Variants in ZNF318 observed in about 807,000 individuals in gnomAD.
The protein encoded by ZNF318 is zinc finger protein 318, also known as endocrine regulator.
In ZNF318, 51 loss-of-function variants were observed where a neutral mutation model predicts 124.2. The observed-to-expected ratio is 0.41, with a 90% CI of 0.33 to 0.52. The LOEUF is 0.52. Among genes scored for constraint, ZNF318 ranks in the 20% least tolerant of loss-of-function variants. ZNF318 has a pLI of 0.23. For synonymous variants in ZNF318, 1,090 were observed against 1,040.7 expected (o/e 1.05, Z -0.91); for missense variants, 2,815 against 2,811.2 (o/e 1.00, Z -0.03).
At chr6:43,350,704 T>G (rs1581644162) in intron 5 of ZNF318, among the ~76,000 whole-genome samples, 1 of 151,404 alleles carries the variant, frequency 6.6e-6, no homozygotes, top group African/African-American at 2.4e-5. Context: ...ATGCCTATGG[T>G]CTCAGCTACT....
At chr6:43,347,714 T>C (rs949082684) in intron 6 of ZNF318, among the ~76,000 whole-genome samples, 3 of 152,110 alleles carry the variant, frequency 2.0e-5, no homozygotes, top group Admixed American at 2.0e-4. Flanking sequence ...AAACTGGCAA[T>C]TGTCACATGG....
At chr6:43,368,478 C>G (rs1316543763) in intron 1 of ZNF318, among the ~76,000 whole-genome samples, 1 of 152,032 alleles carries the variant, frequency 6.6e-6, no homozygotes. Context: ...AGCTCCAATT[C>G]ATTTAAGCTA....
chr6:43,361,049 G>A (rs893543052), intron 2 of ZNF318, among the ~76,000 whole-genome samples: 4 of 152,152 alleles, frequency 2.6e-5, no homozygotes, highest in African/African-American at 9.7e-5. Flanking sequence ...TCACTGAACT[G>A]TACACTTCAA....
Position 43,340,520 on chromosome 6 carries a change from A to G in ZNF318, c.3496-18T>C, listed in dbSNP as rs376533068. ...ACATATTTCTGGGAAGAAAAAAGAT[A>G]AAGACTCAAAAACTGGTGAAAATAC... On this transcript the variant is annotated intron_variant, in intron 9 of 9. Transcript: ENST00000361428. 1.3e-6 allele frequency: 2 copies of G among 1,564,030 alleles called. No homozygotes were observed. The highest frequency in any genetic ancestry group is 1.7e-6 in the Non-Finnish European group (2 of 1,161,594).
chr6:43,365,266 T>C (rs780943780), intron 2 of ZNF318, 26 bp downstream of exon 2: 4 of 1,608,120 alleles, frequency 2.5e-6, no homozygotes, highest in East Asian at 2.2e-5. Flanking sequence ...ACTAGTATAG[T>C]AGGCCCTGCC....
chr6:43,352,486 A>T lies in ZNF318; in HGVS notation c.2671-10T>A. ...CCCTCTCTTCAATAACCTGCAAAAT[A>T]CAAAGTGGTAAGAGAGTCCATCTCC... On this transcript the variant is annotated splice_polypyrimidine_tract_variant and intron_variant, in intron 4 of 9. Transcript: ENST00000361428. 1 of 1,611,740 alleles carries T rather than the reference A, an allele frequency of 6.2e-7. No individual in the cohort carries two copies.
chr6:43,337,928 A>G lies in ZNF318; in HGVS notation c.6070T>C (p.Phe2024Leu), dbSNP rs1312589649. Residue 2024 changes from phenylalanine (F) to leucine (L), a missense_variant, in exon 10 of 10, where the codon TTC (phenylalanine) becomes CTC (leucine). Phe to Leu is a conservative substitution (Grantham distance 22). Transcript: ENST00000361428. Reference sequence around the variant, plus strand: ...GCTGGGCTTACCCGAGTAGTGCAGAAATCAACAGGCATATCCCCCAGATTC... The same window carrying G: ...GCTGGGCTTACCCGAGTAGTGCAGAGATCAACAGGCATATCCCCCAGATTC... ...LGNLGDMPVD[F>L]CTTRVSPAHR... 1 of 1,614,198 alleles carries G rather than the reference A, an allele frequency of 6.2e-7. No homozygotes were observed. Among genetic ancestry groups the G allele is most frequent in the Non-Finnish European group, 8.5e-7 (1 of 1,180,032 alleles).
chr6:43,365,264 A>G, intron 2 of ZNF318, 28 bp downstream of exon 2: 1 of 1,607,204 alleles, frequency 6.2e-7, no homozygotes, highest in Non-Finnish European at 8.5e-7. Context: ...GTACTAGTAT[A>G]GTAGGCCCTG....
Position 43,338,497 on chromosome 6 carries a change from T to A in ZNF318, c.5501A>T (p.Glu1834Val), listed in dbSNP as rs1484778737. The A allele has an allele frequency of 1.9e-6, 3 of 1,614,142 alleles. No homozygotes were observed. Among genetic ancestry groups the A allele is most frequent in the Non-Finnish European group, 2.5e-6 (3 of 1,180,058 alleles). Residue 1834 changes from glutamate (E) to valine (V), a missense_variant, in exon 10 of 10, where the codon GAG (glutamate) becomes GTG (valine). Glu to Val is a moderately radical substitution (Grantham distance 121). Around this residue, in one of 4 missense-constraint regions of ZNF318, gnomAD observed 927 missense variants for 820.6 expected, o/e 1.13. Transcript: ENST00000361428. ...KQPNLLMIDK[E>V]AEQSNKLMTG... ...CATCAATTTATTGGACTGTTCAGCCTCTTTGTCAATCATTAGCAAGTTGGG... is the reference window on the plus strand; with the variant it reads ...CATCAATTTATTGGACTGTTCAGCCACTTTGTCAATCATTAGCAAGTTGGG...
Position 43,338,263 on chromosome 6 carries a change from C to G in ZNF318, c.5735G>C (p.Gly1912Ala). 6.2e-7 allele frequency: 1 copy of G among 1,614,148 alleles called. No individual in the cohort carries two copies. The highest frequency in any genetic ancestry group is 8.5e-7 in the Non-Finnish European group (1 of 1,180,036). The change falls in exon 10 of 10, where the codon GGA (glycine) becomes GCA (alanine). Residue 1912 changes from glycine (G) to alanine (A), a missense_variant. Physicochemically the swap from Gly to Ala is moderately conservative, Grantham distance 60. Around this residue, in one of 4 missense-constraint regions of ZNF318, gnomAD observed 927 missense variants for 820.6 expected, o/e 1.13. Coordinates refer to ENST00000361428, the MANE Select transcript of ZNF318 (RefSeq NM_014345.3). Reference sequence around the variant, plus strand: ...CCCCTCCTCACTAACAACTGAAACTCCTTGCTCTTGTGGACTACCTGTTAA... The same window carrying G: ...CCCCTCCTCACTAACAACTGAAACTGCTTGCTCTTGTGGACTACCTGTTAA... The part of the protein sequence containing the change: ...MCLTGSPQEQ[G>A]VSVVSEEGLE...
chr6:43,338,621 C>T lies in ZNF318; in HGVS notation c.5377G>A (p.Val1793Ile). The change falls in exon 10 of 10, where the codon GTT becomes ATT. Residue 1793 changes from valine (V) to isoleucine (I), a missense_variant. Physicochemically the swap from Val to Ile is conservative, Grantham distance 29 (BLOSUM62 3). This residue lies in a region of ZNF318 where 927 missense variants were observed against 820.6 expected (regional missense o/e 1.13). Transcript: ENST00000361428. ...ATGCTGGTACTTACTCCCTCATCAACTATCCCCTCAGACAGCTCCTTTACC... is the reference window on the plus strand; with the variant it reads ...ATGCTGGTACTTACTCCCTCATCAATTATCCCCTCAGACAGCTCCTTTACC... ...ERVKELSEGI[V>I]DEGVSTSIGP... The T allele has an allele frequency of 6.2e-7, 1 of 1,614,156 alleles. No homozygotes were observed. Among genetic ancestry groups the T allele is most frequent in the Non-Finnish European group, 8.5e-7 (1 of 1,180,018 alleles).
In ZNF318 at chr6:43,342,852, G is replaced by A. The variant is rs147313268; in HGVS notation, c.3100C>T (p.Arg1034Cys). Residue 1034 changes from arginine (R) to cysteine (C), a missense_variant, in exon 7 of 10, where the codon CGT becomes TGT. This residue lies in a region of ZNF318 where 1,377 missense variants were observed against 1,353.5 expected (regional missense o/e 1.02). Transcript: ENST00000361428. Reference protein sequence around the residue: ...KESKVNNEKFRTKSPKPAESP... With the variant: ...KESKVNNEKFCTKSPKPAESP... The stretch of plus-strand genomic sequence containing the variant: ...TCGGCAGGCTTGGGGCTCTTAGTAC[G>A]AAACTTCTCATTGTTTACTTTTGAT... 2.6e-4 allele frequency: 415 copies of A among 1,612,794 alleles called. No individual in the cohort carries two copies. The highest frequency in any genetic ancestry group is 3.5e-4 in the Non-Finnish European group (409 of 1,179,062).
chr6:43,356,175 T>G (rs749167319), intron 3 of ZNF318, 30 bp from the exon 4 acceptor site: 1 of 1,577,916 alleles, frequency 6.3e-7, no homozygotes, highest in Admixed American at 1.9e-5. Context: ...TGATTTAGTC[T>G]TATGCAGAAT....
In ZNF318 at chr6:43,339,738, A is replaced by G; in HGVS notation, c.4260T>C (p.Ser1420=). 6.2e-7 allele frequency: 1 copy of G among 1,614,116 alleles called. No individual in the cohort carries two copies. The highest frequency in any genetic ancestry group is 8.5e-7 in the Non-Finnish European group (1 of 1,180,028). The change falls in exon 10 of 10, where the codon TCT becomes TCC. Residue 1420 remains serine, a synonymous_variant. Transcript: ENST00000361428. The surrounding 1 kb of genome is among the most constrained non-coding windows in gnomAD (Gnocchi z 4.2). ...CAGCCAACACCACTTTTTCCTCTGGAGACCCTTTTAGAATCACCTCTTCCC... is the reference window on the plus strand; with the variant it reads ...CAGCCAACACCACTTTTTCCTCTGGGGACCCTTTTAGAATCACCTCTTCCC... The part of the protein sequence containing the change: ...FGGEEVILKG[S]PEEKVVLAEK...
chr6:43,352,778 G>A (rs1779547601), intron 4 of ZNF318, among the ~76,000 whole-genome samples: 1 of 152,212 alleles, frequency 6.6e-6, no homozygotes, highest in African/African-American at 2.4e-5. Context: ...ATAGATAAAG[G>A]AACCATATGT....
chr6:43,346,411 G>A (rs1216489874), intron 6 of ZNF318, among the ~76,000 whole-genome samples: 1 of 151,504 alleles, frequency 6.6e-6, no homozygotes, highest in Non-Finnish European at 1.5e-5. Context: ...AACCTGGGAG[G>A]CGGAGGTTGC....
Position 43,355,006 on chromosome 6 carries a change from C to T in ZNF318, c.2328G>A (p.Pro776=), listed in dbSNP as rs769862069. Residue 776 remains proline (P), a synonymous_variant, in exon 4 of 10, where the codon CCG becomes CCA. Transcript: ENST00000361428. ...GGGGAATGGCAGGTCCCTGGTAGTT[C>T]GGAGGTATCCGAGCTGCAGCAAACT... ...ASQFAAARIP[P]NYQGPAIPPA... 8.7e-6 allele frequency: 14 copies of T among 1,611,490 alleles called. No homozygotes were observed. The highest frequency in any genetic ancestry group is 2.2e-5 in the East Asian group (1 of 44,866).
intron 2 of ZNF318, among the ~76,000 whole-genome samples, chr6:43,363,040 T>C (rs1402251841): frequency 6.6e-6 from 1 of 152,162 alleles, no homozygotes; most frequent in Non-Finnish European, 1.5e-5. Context: ...TTCTCTAAAG[T>C]AGACCTGTGC....
intron 6 of ZNF318, among the ~76,000 whole-genome samples, chr6:43,346,198 A>G (rs1188327383): frequency 1.3e-5 from 2 of 150,190 alleles, no homozygotes; most frequent in East Asian, 2.0e-4. Flanking sequence ...AAAAAAAAAA[A>G]AAAAAAAAAA....
Sources: gnomAD v4.1 joint callset for allele counts (sites outside exome capture counted in the v4.1 genomes callset) on GRCh38, gnomAD v4.1.1 for gene constraint, gnomAD v4.1.1 regional missense constraint, Gnocchi (gnomAD v3.1) non-coding constraint, MANE v1.5 for transcripts, NCBI Gene and HGNC (gene_info 2026-07-23, HGNC 2026-07-21) for gene names.